MYCBP2: variants seen among roughly 807,000 people sequenced by gnomAD.
The protein encoded by MYCBP2 is E3 ubiquitin-protein ligase MYCBP2.
In MYCBP2, 120 loss-of-function variants were observed where a neutral mutation model predicts 525.3. The observed-to-expected ratio is 0.23, with a 90% CI of 0.20 to 0.27. The LOEUF (loss-of-function observed/expected upper bound fraction) is 0.27, where lower values mean the gene tolerates loss of function less well. Among genes scored for constraint, MYCBP2 ranks in the 10% least tolerant of loss-of-function variants. MYCBP2 has a pLI of 1.00. For synonymous variants in MYCBP2, 1,894 were observed against 1,955.8 expected, an observed-to-expected ratio of 0.97 and a Z score of 0.83; for missense variants, 4,149 against 5,657.1, an observed-to-expected ratio of 0.73 and a Z score of 8.55.
rs968456959 is a variant in MYCBP2, at chr13:77,309,618, T to A, written c.303-12944A>T. ...TATTTGCACTTGAGATCTAGTCACC[T>A]GCTAAATATATCATTAAATCCACTT... is the stretch of plus-strand genomic sequence containing the variant. On this transcript the variant is annotated intron_variant, in intron 1 of 82. Coordinates refer to ENST00000544440, the MANE Select transcript of MYCBP2 (RefSeq NM_015057.5). Among the ~76,000 whole-genome samples, 6 of 152,226 alleles carry A rather than the reference T, an allele frequency of 3.9e-5. No homozygotes were observed. In the South Asian group the frequency reaches 1.2e-3, roughly 31 times the overall value.
rs1359553431 is a variant in MYCBP2 at position 77,262,040 on chromosome 13, G to A, written c.1647+13C>T. ...AGAGAATGCTCATTTTTAATCCAAA[G>A]AGAATAATTTACCTTTCCATTTGCT... On this transcript the variant is annotated intron_variant, in intron 11 of 82. Coordinates refer to ENST00000544440, the MANE Select transcript of MYCBP2 (RefSeq NM_015057.5). The A allele has an allele frequency of 6.2e-7, 1 of 1,602,188 alleles. No individual in the cohort carries two copies. The highest frequency in any genetic ancestry group is 8.5e-7 in the Non-Finnish European group (1 of 1,172,002).
rs2046101764 is a variant in MYCBP2, at chr13:77,095,493, C to T, written c.10064G>A (p.Ser3355Asn). The change falls in exon 58 of 83, where the codon AGC (serine) becomes AAC (asparagine). Residue 3355 changes from serine to asparagine, a missense_variant. By Grantham distance (46) the Ser-to-Asn change is conservative (BLOSUM62 1). This residue lies in a region of MYCBP2 where 509 missense variants were observed against 789.4 expected (regional missense o/e 0.64). Transcript: ENST00000544440. ...CAGAATGCTCGGTTCTGCTGCACTG[C>T]TCAGGGACAGCAGGAAGAGTGCATT... is the stretch of plus-strand genomic sequence containing the variant. ...KANALFLLSL[S>N]SAAEPSILCY... The T allele has an allele frequency of 1.2e-6, 2 of 1,613,434 alleles. No individual in the cohort carries two copies. The highest frequency in any genetic ancestry group is 2.7e-5 in the African/African-American group (2 of 74,848).
intron 8 of MYCBP2, among the ~76,000 whole-genome samples, chr13:77,267,323 T>C (rs114809603): frequency 0.013 from 1,959 of 151,158 alleles, 42 homozygotes; most frequent in African/African-American, 0.045. Flanking sequence ...ATAAGAAGCA[T>C]AAATGATGAA....
At chr13:77,191,905 G>A in intron 27 of MYCBP2, 92 bp from the exon 28 acceptor site, 1 of 1,187,066 alleles carries the variant, frequency 8.4e-7, no homozygotes, top group African/African-American at 1.5e-5. Flanking sequence ...ACAAAAACAT[G>A]AAACTAACTG....
Position 77,284,806 on chromosome 13 carries a change from T to C in MYCBP2, c.594+3355A>G, listed in dbSNP as rs927746101. Among the ~76,000 whole-genome samples, 6 of 152,200 alleles carry C rather than the reference T, an allele frequency of 3.9e-5. 1 individual carries two copies. Among genetic ancestry groups the C allele is most frequent in the African/African-American group, 7.2e-5 (3 of 41,458 alleles). On this transcript the variant is annotated intron_variant, in intron 3 of 82. Coordinates refer to ENST00000544440, the MANE Select transcript of MYCBP2 (RefSeq NM_015057.5). ...CTCTCAAGCACTCAACATCCATTAA[T>C]TCATTTAAATTGTCACTACAACCCT...
intron 13 of MYCBP2, among the ~76,000 whole-genome samples, chr13:77,259,016 A>T (rs890229098): frequency 6.6e-6 from 1 of 152,186 alleles, no homozygotes; most frequent in Non-Finnish European, 1.5e-5. Context: ...GCACTTGAGG[A>T]GGCTGAGGCG....
chr13:77,298,793 TAAAGAG>T (rs1318640519), intron 1 of MYCBP2, among the ~76,000 whole-genome samples: 2 of 152,082 alleles, frequency 1.3e-5, no homozygotes, highest in African/African-American at 4.8e-5. Context: ...GCCATAAAAG[TAAAGAG>T]AAAGAGAAAG....
intron 1 of MYCBP2, among the ~76,000 whole-genome samples, chr13:77,317,184 T>C (rs1392383265): frequency 6.6e-6 from 1 of 152,158 alleles, no homozygotes; most frequent in Non-Finnish European, 1.5e-5. Context: ...ACTCCTGACT[T>C]CACGTGATCC....
At chr13:77,090,374 A>T in intron 59 of MYCBP2, 111 bp from the exon 60 acceptor site, 1 of 795,990 alleles carries the variant, frequency 1.3e-6, no homozygotes. Context: ...GAGAAACAAA[A>T]TCAAAGCCAA....
chr13:77,296,754 C>T, intron 1 of MYCBP2, 80 bp from the exon 2 acceptor site: 1 of 1,081,146 alleles, frequency 9.2e-7, no homozygotes. Flanking sequence ...TGGGTATTTC[C>T]AAAGTAGACA....
At chr13:77,297,597 T>C (rs1240514868) in intron 1 of MYCBP2, among the ~76,000 whole-genome samples, 2 of 152,142 alleles carry the variant, frequency 1.3e-5, no homozygotes, top group East Asian at 3.8e-4. Flanking sequence ...CCTAGGTCAC[T>C]TGGAGGTAGA....
intron 55 of MYCBP2, among the ~76,000 whole-genome samples, chr13:77,105,274 A>T (rs1419772101): frequency 6.6e-6 from 1 of 152,134 alleles, no homozygotes; most frequent in African/African-American, 2.4e-5. Flanking sequence ...AACTTATAAG[A>T]TGTTAGAGGT....
rs1015204958 is a variant in MYCBP2 at position 77,068,548 on chromosome 13, G to A, written c.12171+17C>T. On this transcript the variant is annotated intron_variant, in intron 70 of 82. Transcript: ENST00000544440. ...AAGTAACAAAAGCAATGGAAAGGCT[G>A]TAGTGTGATCAGTCACCTGTCTCTG... 2 of 1,613,074 alleles carry A rather than the reference G, an allele frequency of 1.2e-6. No individual in the cohort carries two copies. Among genetic ancestry groups the A allele is most frequent in the Admixed American group, 3.3e-5 (2 of 59,988 alleles).
intron 1 of MYCBP2, among the ~76,000 whole-genome samples, chr13:77,310,573 T>G (rs190438911): frequency 1.3e-3 from 204 of 152,316 alleles, no homozygotes; most frequent in Middle Eastern, 0.01. Context: ...GTCATATATA[T>G]GATTATAGAC....
intron 32 of MYCBP2, among the ~76,000 whole-genome samples, chr13:77,184,716 A>C (rs374913077): frequency 3.9e-5 from 6 of 152,292 alleles, no homozygotes; most frequent in Admixed American, 1.3e-4. Context: ...CTTCCTCATG[A>C]ATGAATGAAC....
At position 77,082,799 on chromosome 13, in the gene MYCBP2, T is replaced by C. The variant is rs577256473; in HGVS notation, c.11036+233A>G. 5.9e-5 allele frequency among the ~76,000 whole-genome samples: 9 copies of C among 152,240 alleles called. No homozygotes were observed. The South Asian group carries it at 1.9e-3, about 32-fold the overall frequency. ...AAAGTGAGGGAGATTGCTACAGTGATAATTTAGGGCACTAAGAATTACATT... is the reference window on the plus strand; with the variant it reads ...AAAGTGAGGGAGATTGCTACAGTGACAATTTAGGGCACTAAGAATTACATT... On this transcript the variant is annotated intron_variant, in intron 63 of 82. Coordinates refer to ENST00000544440, the MANE Select transcript of MYCBP2 (RefSeq NM_015057.5).
rs201784495 is a variant in MYCBP2 at position 77,200,100 on chromosome 13, C to G, written c.3843+5156G>C. Among the ~76,000 whole-genome samples, 17 of 151,834 alleles carry G rather than the reference C, an allele frequency of 1.1e-4. No homozygotes were observed. In the East Asian group the frequency reaches 3.3e-3, roughly 29 times the overall value. On this transcript the variant is annotated intron_variant, in intron 26 of 82. Coordinates refer to ENST00000544440, the MANE Select transcript of MYCBP2 (RefSeq NM_015057.5). Reference sequence around the variant, plus strand: ...CAGATGATCAAATTACTCTGAGCTACGGGAGGACATTCAAACCAAAGGCAA... The same window carrying G: ...CAGATGATCAAATTACTCTGAGCTAGGGGAGGACATTCAAACCAAAGGCAA...
Position 77,068,848 on chromosome 13 carries a change from C to T in MYCBP2, c.11905-17G>A. On this transcript the variant is annotated splice_polypyrimidine_tract_variant and intron_variant, in intron 69 of 82. Transcript: ENST00000544440. ...AGCACACACCTATTTAAAGTTAACACAGAACATGTAAAAATATAGGGTTAG... is the reference window on the plus strand; with the variant it reads ...AGCACACACCTATTTAAAGTTAACATAGAACATGTAAAAATATAGGGTTAG... The T allele has an allele frequency of 6.2e-7, 1 of 1,608,798 alleles. No homozygotes were observed. Among genetic ancestry groups the T allele is most frequent in the Non-Finnish European group, 8.5e-7 (1 of 1,177,656 alleles).
intron 65 of MYCBP2, among the ~76,000 whole-genome samples, chr13:77,080,335 G>A (rs1240074158): frequency 6.6e-6 from 1 of 152,124 alleles, no homozygotes; most frequent in African/African-American, 2.4e-5. Context: ...ATATGCAAAT[G>A]GCACAGGAGA....
Sources: gnomAD v4.1 joint callset for allele counts (sites outside exome capture counted in the v4.1 genomes callset) on GRCh38, gnomAD v4.1.1 for gene constraint, gnomAD v4.1.1 regional missense constraint, MANE v1.5 for transcripts, NCBI Gene and HGNC (gene_info 2026-07-23, HGNC 2026-07-21) for gene names.